Variants in NALF1 observed in about 807,000 individuals in gnomAD.
NALF1 encodes NALCN channel auxiliary factor 1.
NALF1 carries 3 observed loss-of-function variants against 48.4 expected under a neutral mutation model. That is an observed-to-expected ratio of 0.06 (90% confidence interval 0.03 to 0.16). The LOEUF (loss-of-function observed/expected upper bound fraction) is 0.16, where lower values mean the gene tolerates loss of function less well. NALF1 is among the 10% of genes least tolerant of loss of function. NALF1 has a pLI of 1.00. For missense variants in NALF1, 526 were observed against 571.5 expected (o/e 0.92, Z 0.81); for synonymous variants, 262 against 245.7 (o/e 1.07, Z -0.62).
intron 1 of NALF1, among the ~76,000 whole-genome samples, chr13:107,662,559 T>C (rs943266467): frequency 6.6e-6 from 1 of 152,200 alleles, no homozygotes; most frequent in African/African-American, 2.4e-5. Context: ...TTGTATTGTT[T>C]TTAGCCATTT....
At chr13:107,360,109 A>G (rs1306735524) in intron 1 of NALF1, among the ~76,000 whole-genome samples, 1 of 152,214 alleles carries the variant, frequency 6.6e-6, no homozygotes, top group Non-Finnish European at 1.5e-5. Context: ...AATTGCTTTG[A>G]TGATGGCTGC....
At chr13:107,852,062 A>G (rs1410348144) in intron 1 of NALF1, among the ~76,000 whole-genome samples, 1 of 151,684 alleles carries the variant, frequency 6.6e-6, no homozygotes, top group Non-Finnish European at 1.5e-5. Context: ...TCAGCCTCCC[A>G]AAGTGCTGGG....
At chr13:107,284,080 A>T (rs1043184461) in intron 1 of NALF1, among the ~76,000 whole-genome samples, 1 of 152,216 alleles carries the variant, frequency 6.6e-6, no homozygotes, top group Non-Finnish European at 1.5e-5. Context: ...ACATAGGGCA[A>T]AGGATTATGG....
chr13:107,755,228 A>C (rs558931345), intron 1 of NALF1, among the ~76,000 whole-genome samples: 1 of 152,234 alleles, frequency 6.6e-6, no homozygotes, highest in South Asian at 2.1e-4. Flanking sequence ...TTTATCTTGT[A>C]AATGAAATTT....
Position 107,324,637 on chromosome 13 carries a change from T to C in NALF1, c.916-113882A>G, listed in dbSNP as rs143902055. 3.2e-3 allele frequency among the ~76,000 whole-genome samples: 486 copies of C among 152,320 alleles called. 4 individuals carry two copies. The highest frequency in any genetic ancestry group is 0.01 in the African/African-American group (436 of 41,586). ...AACATTCTATTTCTTCACCATGCAT[T>C]GACTCATAGAATGTTGCGTATCAGT... On this transcript the variant is annotated intron_variant, in intron 1 of 2. Transcript: ENST00000375915.
chr13:107,645,161 T>C (rs1277405237), intron 1 of NALF1, among the ~76,000 whole-genome samples: 1 of 152,162 alleles, frequency 6.6e-6, no homozygotes, highest in Non-Finnish European at 1.5e-5. Context: ...TAAGGATGTA[T>C]ATATTTGGCT....
At chr13:107,596,488 GCC>G (rs1333488030) in intron 1 of NALF1, among the ~76,000 whole-genome samples, 4 of 152,166 alleles carry the variant, frequency 2.6e-5, no homozygotes, top group African/African-American at 9.7e-5. Flanking sequence ...ATGCTATGTA[GCC>G]ACAAAAATGT....
At position 107,590,539 on chromosome 13, in the gene NALF1, A is replaced by G. The variant is rs145302893; in HGVS notation, c.915+275143T>C. ...TTCCTAGCTCGCACTGTACAGTATAATAATGTTTTGTATATTTGGTGACAT... is the reference window on the plus strand; with the variant it reads ...TTCCTAGCTCGCACTGTACAGTATAGTAATGTTTTGTATATTTGGTGACAT... On this transcript the variant is annotated intron_variant, in intron 1 of 2. Coordinates refer to ENST00000375915, the MANE Select transcript of NALF1 (RefSeq NM_001080396.3). 3.9e-3 allele frequency among the ~76,000 whole-genome samples: 595 copies of G among 152,108 alleles called. 1 individual carries two copies. Among genetic ancestry groups the G allele is most frequent in the Non-Finnish European group, 6.3e-3 (428 of 67,942 alleles).
At chr13:107,344,662 C>T (rs773711336) in intron 1 of NALF1, among the ~76,000 whole-genome samples, 10 of 151,806 alleles carry the variant, frequency 6.6e-5, no homozygotes, top group Admixed American at 1.3e-4. Context: ...ACTAACTAAG[C>T]GTAGAAGAAA....
intron 1 of NALF1, among the ~76,000 whole-genome samples, chr13:107,777,822 G>A (rs1877781958): frequency 6.6e-6 from 1 of 152,128 alleles, no homozygotes; most frequent in African/African-American, 2.4e-5. Flanking sequence ...GGAAGAAAGT[G>A]GCAGTTATTG....
chr13:107,305,341 T>C (rs1881914544), intron 1 of NALF1, among the ~76,000 whole-genome samples: 1 of 152,268 alleles, frequency 6.6e-6, no homozygotes, highest in Non-Finnish European at 1.5e-5. Flanking sequence ...AAGGTTGTTT[T>C]GGTAATTAAA....
At chr13:107,223,828 G>A (rs1880043616) in intron 1 of NALF1, among the ~76,000 whole-genome samples, 1 of 152,134 alleles carries the variant, frequency 6.6e-6, no homozygotes, top group Non-Finnish European at 1.5e-5. Flanking sequence ...GCAAGTCTTT[G>A]AACCCATCCC....
intron 1 of NALF1, among the ~76,000 whole-genome samples, chr13:107,566,669 T>C (rs1877818633): frequency 6.6e-6 from 1 of 152,238 alleles, no homozygotes; most frequent in African/African-American, 2.4e-5. Context: ...AATATGTCTT[T>C]TATTTGCATA....
intron 1 of NALF1, among the ~76,000 whole-genome samples, chr13:107,864,920 A>G (rs1327030732): frequency 1.3e-5 from 2 of 152,204 alleles, no homozygotes; most frequent in East Asian, 1.9e-4. Context: ...TAACTACATC[A>G]TCAACGTTTT....
chr13:107,781,183 A>T (rs1877875741), intron 1 of NALF1, among the ~76,000 whole-genome samples: 1 of 152,166 alleles, frequency 6.6e-6, no homozygotes, highest in South Asian at 2.1e-4. Flanking sequence ...CATATGAAAA[A>T]TTTCATTTTG....
rs553921021 is a variant in NALF1, at chr13:107,459,192, T to C, written c.916-248437A>G. ...AGAGCTGGTATCCAGTTCCAAAATA[T>C]ACAAAGAACTCATAAAACCCAGGAA... On this transcript the variant is annotated intron_variant, in intron 1 of 2. Transcript: ENST00000375915. Among the ~76,000 whole-genome samples the C allele has an allele frequency of 9.9e-5, 15 of 152,026 alleles. No individual in the cohort carries two copies. The East Asian group carries it at 2.5e-3, about 26-fold the overall frequency.
At chr13:107,378,752 GA>G (rs1276124821) in intron 1 of NALF1, among the ~76,000 whole-genome samples, 8 of 152,168 alleles carry the variant, frequency 5.3e-5, no homozygotes, top group Non-Finnish European at 1.0e-4. Context: ...ATATAGGTTA[GA>G]AAGGAATTGA....
In NALF1 at chr13:107,166,016, G is replaced by GTT. The variant is rs1190415934; in HGVS notation, c.*4480_*4481insAA. ...TTTTATTTGCAAGCGATGTGTGTGT[G>GTT]TGTGTGTGTGTGTGTGTGTGTGTGT... On this transcript the variant is annotated 3_prime_UTR_variant, in exon 3 of 3. Transcript: ENST00000375915. 23 of 152,290 alleles carry GTT rather than the reference G, an allele frequency of 1.5e-4. No homozygotes were observed. Among genetic ancestry groups the GTT allele is most frequent in the African/African-American group, 4.8e-4 (20 of 41,420 alleles). The allele number at this position is 152,290 out of a possible 1,614,324, so 9.4% of individuals were successfully genotyped here.
chr13:107,192,394 C>T (rs919038541), intron 2 of NALF1, among the ~76,000 whole-genome samples: 3 of 152,028 alleles, frequency 2.0e-5, no homozygotes, highest in East Asian at 1.9e-4. Context: ...CAGTTGCGAC[C>T]GCGGCCCTGA....
Sources: gnomAD v4.1 joint callset for allele counts (sites outside exome capture counted in the v4.1 genomes callset) on GRCh38, gnomAD v4.1.1 for gene constraint, MANE v1.5 for transcripts, NCBI Gene and HGNC (gene_info 2026-07-23, HGNC 2026-07-21) for gene names.